The following CDYL2 variants were observed in gnomAD, a reference collection of about 807,000 sequenced individuals.
CDYL2 encodes the protein chromodomain Y like 2.
In CDYL2, 23 loss-of-function variants were observed where a neutral mutation model predicts 49.4. The ratio of observed to expected loss-of-function variants is 0.47; its 90% confidence interval spans 0.34 to 0.66. CDYL2 has a LOEUF of 0.66. Among genes scored for constraint, CDYL2 ranks in the 30% least tolerant of loss-of-function variants. The pLI is 0.01. For synonymous variants in CDYL2, 360 were observed against 268.8 expected (o/e 1.34, Z -3.32); for missense variants, 678 against 656.4 (o/e 1.03, Z -0.36).
chr16:80,752,454 A>G (rs565876716), intron 1 of CDYL2, among the ~76,000 whole-genome samples: 33 of 152,304 alleles, frequency 2.2e-4, no homozygotes, highest in African/African-American at 7.9e-4. Context: ...ACCTAGAAAC[A>G]CCATAATAAA....
At chr16:80,746,878 G>C (rs996877204) in intron 1 of CDYL2, among the ~76,000 whole-genome samples, 2 of 152,152 alleles carry the variant, frequency 1.3e-5, no homozygotes, top group Admixed American at 6.5e-5. Flanking sequence ...TTCACTTAAA[G>C]TCCAGATTCC....
At chr16:80,780,871 G>C (rs558801250) in intron 1 of CDYL2, among the ~76,000 whole-genome samples, 2 of 152,140 alleles carry the variant, frequency 1.3e-5, no homozygotes, top group African/African-American at 2.4e-5. Context: ...TGGAAAAAAA[G>C]TGTTGGAATC....
intron 1 of CDYL2, among the ~76,000 whole-genome samples, chr16:80,785,746 T>C (rs535095150): frequency 6.6e-6 from 1 of 152,300 alleles, no homozygotes; most frequent in South Asian, 2.1e-4. Context: ...AACAGCATAG[T>C]ACTGGTACCA....
At chr16:80,716,672 T>C (rs370017989) in intron 1 of CDYL2, among the ~76,000 whole-genome samples, 5 of 147,414 alleles carry the variant, frequency 3.4e-5, no homozygotes, top group South Asian at 4.4e-4. Flanking sequence ...GAATAGATGA[T>C]TGGATGGATA....
intron 2 of CDYL2, among the ~76,000 whole-genome samples, chr16:80,660,536 A>C (rs1908998970): frequency 2.0e-5 from 3 of 152,220 alleles, no homozygotes; most frequent in Admixed American, 2.0e-4. Context: ...AAGCATTAAA[A>C]GGTCAGAAAA....
intron 3 of CDYL2, among the ~76,000 whole-genome samples, chr16:80,623,564 G>C (rs1007789824): frequency 6.6e-6 from 1 of 152,194 alleles, no homozygotes; most frequent in African/African-American, 2.4e-5. Context: ...CCCCAGCCCA[G>C]ACCGACAGGA....
At chr16:80,677,282 A>T (rs1909790416) in intron 2 of CDYL2, among the ~76,000 whole-genome samples, 2 of 151,952 alleles carry the variant, frequency 1.3e-5, no homozygotes. Flanking sequence ...AATTTCTTTA[A>T]TAGTTATTTC....
chr16:80,611,655 A>G (rs1451065639), intron 5 of CDYL2, among the ~76,000 whole-genome samples: 1 of 152,240 alleles, frequency 6.6e-6, no homozygotes, highest in Admixed American at 6.5e-5. Flanking sequence ...AAATCCCACA[A>G]CTGGCACTAC....
At chr16:80,643,555 G>A (rs530232532) in intron 2 of CDYL2, among the ~76,000 whole-genome samples, 1 of 152,344 alleles carries the variant, frequency 6.6e-6, no homozygotes, top group South Asian at 2.1e-4. Flanking sequence ...CCCTGCCCCT[G>A]CAGCAAACCT....
Position 80,612,629 on chromosome 16 carries a change from C to T in CDYL2, c.1215G>A (p.Ala405=), listed in dbSNP as rs776801095. ...SYTFPQILGV[A]LANEMLFCGR... ...CCAGGTATCACAGGAGGCTTACCAG[C>T]GCGACGCCCAGGATCTGGGGGAAGG... The change falls in exon 5 of 7, where the codon GCG becomes GCA. Residue 405 remains alanine, a synonymous_variant. Coordinates refer to ENST00000570137, the MANE Select transcript of CDYL2 (RefSeq NM_152342.4). This position sits in a 1 kb window ranked among gnomAD's most constrained non-coding sequence, Gnocchi z 5.0. 5.6e-6 allele frequency: 9 copies of T among 1,603,902 alleles called. No individual in the cohort carries two copies. The highest frequency in any genetic ancestry group is 4.5e-5 in the South Asian group (4 of 89,690).
At chr16:80,778,388 C>A (rs767226832) in intron 1 of CDYL2, among the ~76,000 whole-genome samples, 3 of 150,634 alleles carry the variant, frequency 2.0e-5, no homozygotes, top group Non-Finnish European at 1.5e-5. Context: ...ATGTGACTAT[C>A]TTATATAAAA....
chr16:80,702,943 T>C (rs1261078572), intron 1 of CDYL2, among the ~76,000 whole-genome samples: 1 of 152,216 alleles, frequency 6.6e-6, no homozygotes, highest in Admixed American at 6.5e-5. Context: ...AAATAATCAG[T>C]TGTTATTGCT....
At chr16:80,700,552 T>C (rs1235525134) in intron 1 of CDYL2, among the ~76,000 whole-genome samples, 2 of 152,180 alleles carry the variant, frequency 1.3e-5, no homozygotes, top group African/African-American at 2.4e-5. Context: ...GCTATCAACA[T>C]ATTAGAAAGA....
At chr16:80,781,138 A>G (rs1374702469) in intron 1 of CDYL2, among the ~76,000 whole-genome samples, 1 of 152,212 alleles carries the variant, frequency 6.6e-6, no homozygotes, top group Non-Finnish European at 1.5e-5. Context: ...GTGAAATTTA[A>G]CATAAATCAT....
intron 1 of CDYL2, among the ~76,000 whole-genome samples, chr16:80,786,907 C>A (rs1356527621): frequency 6.6e-6 from 1 of 151,886 alleles, no homozygotes; most frequent in Non-Finnish European, 1.5e-5. Flanking sequence ...ACATCACACA[C>A]CAGGGCCTGT....
intron 3 of CDYL2, among the ~76,000 whole-genome samples, chr16:80,629,491 T>A (rs1481102687): frequency 6.6e-6 from 1 of 152,200 alleles, no homozygotes. Flanking sequence ...GGTAGGATTG[T>A]GGGCTGAGGC....
At chr16:80,794,555 C>A (rs1236528350) in intron 1 of CDYL2, among the ~76,000 whole-genome samples, 2 of 149,966 alleles carry the variant, frequency 1.3e-5, no homozygotes, top group African/African-American at 4.9e-5. Flanking sequence ...GTATATTAAA[C>A]CATATACGAT....
intron 2 of CDYL2, among the ~76,000 whole-genome samples, chr16:80,683,597 T>C (rs949766598): frequency 2.0e-5 from 3 of 152,186 alleles, no homozygotes; most frequent in Non-Finnish European, 4.4e-5. Flanking sequence ...CAAGACAGCA[T>C]TTAGGACCCA....
At chr16:80,637,851 G>T (rs1907909495) in intron 2 of CDYL2, among the ~76,000 whole-genome samples, 1 of 152,066 alleles carries the variant, frequency 6.6e-6, no homozygotes, top group African/African-American at 2.4e-5. Flanking sequence ...ATCCTATGCG[G>T]GTATCTAAGC....
Sources: gnomAD v4.1 joint callset for allele counts (sites outside exome capture counted in the v4.1 genomes callset) on GRCh38, gnomAD v4.1.1 for gene constraint, Gnocchi (gnomAD v3.1) non-coding constraint, MANE v1.5 for transcripts, NCBI Gene and HGNC (gene_info 2026-07-23, HGNC 2026-07-21) for gene names.